TGM2: variants seen among roughly 807,000 people sequenced by gnomAD.
TGM2 encodes protein-glutamine gamma-glutamyltransferase 2.
TGM2 carries 53 observed loss-of-function variants against 75.6 expected under a neutral mutation model. The ratio of observed to expected loss-of-function variants is 0.70; its 90% confidence interval spans 0.56 to 0.88. The LOEUF (loss-of-function observed/expected upper bound fraction) is 0.88, where lower values mean the gene tolerates loss of function less well. Among genes scored for constraint, TGM2 ranks in the 40% least tolerant of loss-of-function variants. The pLI is 0.00. For missense variants in TGM2, 842 were observed against 928.5 expected (o/e 0.91, Z 1.21); for synonymous variants, 374 against 381.1 (o/e 0.98, Z 0.22).
intron 7 of TGM2, 127 bp from the exon 8 acceptor site, chr20:38,141,512 G>A: frequency 1.3e-6 from 1 of 753,578 alleles, no homozygotes; most frequent in East Asian, 2.7e-5. Flanking sequence ...AGCCCAGGGT[G>A]TCTCCCCACT....
At chr20:38,142,641 G>A (rs112568818) in intron 6 of TGM2, among the ~76,000 whole-genome samples, 9,481 of 152,270 alleles carry the variant, frequency 0.062, 982 homozygotes, top group African/African-American at 0.21. Flanking sequence ...CCTGGGAGGC[G>A]GAGGTTGTGG....
intron 2 of TGM2, among the ~76,000 whole-genome samples, chr20:38,159,076 G>C (rs775345000): frequency 6.6e-6 from 1 of 152,188 alleles, no homozygotes; most frequent in East Asian, 1.9e-4. Context: ...CTGGAGGACA[G>C]AGATTAGCTT....
At position 38,134,151 on chromosome 20, in the gene TGM2, T is replaced by C. The variant is rs6023279; in HGVS notation, c.1616-1651A>G. On this transcript the variant is annotated intron_variant, in intron 10 of 12. Transcript: ENST00000361475. Reference sequence around the variant, plus strand: ...CGAGGAGACAGTCACTTTCTCACTGTGGGATTCAAGGTTCAGGCTTTGACC... The same window carrying C: ...CGAGGAGACAGTCACTTTCTCACTGCGGGATTCAAGGTTCAGGCTTTGACC... Among the ~76,000 whole-genome samples the C allele has an allele frequency of 6.6e-3, 1,000 of 152,236 alleles. 10 individuals carry two copies. Among genetic ancestry groups the C allele is most frequent in the African/African-American group, 0.023 (938 of 41,522 alleles).
In TGM2 at chr20:38,132,492, C is replaced by T. The variant is rs2229473; in HGVS notation, c.1624G>A (p.Val542Ile). ...TTCTCATAGAGGATGCAAAGAGGAA[C>T]GCTCTTCTCTGCAGAAGGGGAGAAA... ...LNLEPFSEKS[V>I]PLCILYEKYR... The change falls in exon 11 of 13, where the codon GTT becomes ATT. Residue 542 changes from valine (V) to isoleucine (I), a missense_variant. Coordinates refer to ENST00000361475, the MANE Select transcript of TGM2 (RefSeq NM_004613.4). 1.2e-4 allele frequency: 192 copies of T among 1,613,992 alleles called. No individual in the cohort carries two copies. The highest frequency in any genetic ancestry group is 1.4e-4 in the Non-Finnish European group (169 of 1,180,016).
intron 3 of TGM2, among the ~76,000 whole-genome samples, chr20:38,154,768 G>A (rs578153690): frequency 3.0e-4 from 30 of 98,928 alleles, no homozygotes; most frequent in Admixed American, 8.3e-4. Flanking sequence ...CCTCACCTCC[G>A]GGTTTCCCTT....
intron 10 of TGM2, among the ~76,000 whole-genome samples, chr20:38,134,168 G>T (rs563900966): frequency 2.7e-4 from 41 of 152,230 alleles, no homozygotes; most frequent in Admixed American, 2.7e-3. Flanking sequence ...CAAGGTTCAG[G>T]CTTTGACCTT....
At chr20:38,131,053 G>T in intron 12 of TGM2, 40 bp downstream of exon 12, 2 of 1,608,152 alleles carry the variant, frequency 1.2e-6, no homozygotes, top group Non-Finnish European at 1.7e-6. Context: ...GCATCTGCCC[G>T]CTTCCCCCAG....
At chr20:38,163,812 T>C (rs2075281487) in intron 1 of TGM2, among the ~76,000 whole-genome samples, 1 of 152,178 alleles carries the variant, frequency 6.6e-6, no homozygotes. Context: ...CCCAGGGAGC[T>C]TGAGCAGGAA....
chr20:38,150,882 G>A lies in TGM2; in HGVS notation c.552+57C>T, dbSNP rs113446189. The A allele has an allele frequency of 5.5e-4, 749 of 1,350,460 alleles. 3 individuals carry two copies. In the African/African-American group the frequency reaches 9.6e-3, roughly 17 times the overall value. 83.7% of individuals were successfully genotyped at this position (1,350,460 alleles called of 1,614,324 possible). Reference sequence around the variant, plus strand: ...GCAGCTTTGGCTGCCCCCAGACACAGGGCCGGGCACACAGAAGGGCCTGAG... The same window carrying A: ...GCAGCTTTGGCTGCCCCCAGACACAAGGCCGGGCACACAGAAGGGCCTGAG... On this transcript the variant is annotated intron_variant, in intron 4 of 12. Transcript: ENST00000361475.
intron 2 of TGM2, 68 bp from the exon 3 acceptor site, chr20:38,156,157 G>C (rs1042716101): frequency 5.1e-6 from 8 of 1,563,640 alleles, no homozygotes; most frequent in Non-Finnish European, 6.9e-6. Context: ...CACCTACGTG[G>C]GGTCCCCCAG....
At chr20:38,157,145 C>A (rs900690433) in intron 2 of TGM2, among the ~76,000 whole-genome samples, 4 of 152,230 alleles carry the variant, frequency 2.6e-5, no homozygotes, top group African/African-American at 9.6e-5. Flanking sequence ...ATTCTTCCAT[C>A]TCCCTCCTTG....
In TGM2 at chr20:38,140,580, C is replaced by G. The variant is rs377582068; in HGVS notation, c.1099+702G>C. 2.6e-5 allele frequency among the ~76,000 whole-genome samples: 4 copies of G among 152,206 alleles called. No homozygotes were observed. The East Asian group carries it at 7.7e-4, about 29-fold the overall frequency. On this transcript the variant is annotated intron_variant, in intron 8 of 12. Transcript: ENST00000361475. ...CCTGAGGAGCACTTAGGACTTGTCA[C>G]TCATAAGAACCACAGGCGTGGTCAT...
upstream of TGM2, among the ~76,000 whole-genome samples, chr20:38,165,694 A>ACACG (rs1444993579): frequency 6.6e-6 from 1 of 151,402 alleles, no homozygotes; most frequent in East Asian, 1.9e-4. Context: ...ACACACACAC[A>ACACG]CACACACGCA....
chr20:38,141,249 A>G lies in TGM2; in HGVS notation c.1099+33T>C. 2.0e-6 allele frequency: 3 copies of G among 1,520,568 alleles called. No homozygotes were observed. In the South Asian group the frequency reaches 3.6e-5, roughly 18 times the overall value. The allele number at this position is 1,520,568 out of a possible 1,614,324, so 94.2% of individuals were successfully genotyped here. ...TAACTCTCCAAGCCTCGTCTTCCCC[A>G]TCTGTTTGACGCGACAGTGCCCGCC... On this transcript the variant is annotated intron_variant, in intron 8 of 12. Transcript: ENST00000361475.
chr20:38,150,820 C>T, intron 4 of TGM2, 119 bp downstream of exon 4: 1 of 834,098 alleles, frequency 1.2e-6, no homozygotes, highest in East Asian at 2.4e-5. Context: ...TCCCTGACAG[C>T]ATGAAGTGGG....
At chr20:38,145,678 T>G (rs1364881444) in intron 6 of TGM2, 2 of 151,940 alleles carry the variant, frequency 1.3e-5, no homozygotes, top group Admixed American at 6.6e-5. Context: ...AGGAGTTAAG[T>G]GATTTACCTA....
At chr20:38,160,797 A>G (rs192155373) in intron 2 of TGM2, among the ~76,000 whole-genome samples, 5 of 152,264 alleles carry the variant, frequency 3.3e-5, no homozygotes, top group Admixed American at 1.3e-4. Flanking sequence ...GAGAGATTAG[A>G]AAGTTGTTTT....
In TGM2 at chr20:38,144,865, G is replaced by A. The variant is rs142131845; in HGVS notation, c.859+1852C>T. On this transcript the variant is annotated intron_variant, in intron 6 of 12. Transcript: ENST00000361475. ...CCTACACAGCCTGGGAAGAGGCTGC[G>A]GGGACCAGAACACAGCCCTGCAGTG... 6.4e-3 allele frequency among the ~76,000 whole-genome samples: 970 copies of A among 152,228 alleles called. 12 individuals are homozygous for A. Among genetic ancestry groups the A allele is most frequent in the African/African-American group, 0.022 (917 of 41,534 alleles).
intron 2 of TGM2, among the ~76,000 whole-genome samples, chr20:38,160,579 G>A (rs1437399522): frequency 6.6e-6 from 1 of 152,224 alleles, no homozygotes; most frequent in Non-Finnish European, 1.5e-5. Flanking sequence ...TCACACAGCA[G>A]GTAGGCAGCC....
Sources: allele counts gnomAD v4.1 joint callset (sites outside exome capture counted in the v4.1 genomes callset), GRCh38; gene constraint gnomAD v4.1.1; transcripts MANE v1.5; gene names NCBI Gene and HGNC (gene_info 2026-07-23, HGNC 2026-07-21).